The following EYA2 variants were observed in gnomAD, a reference collection of about 807,000 sequenced individuals.
The protein encoded by EYA2 is protein phosphatase EYA2.
A neutral mutation model predicts 69.2 loss-of-function variants in EYA2; 31 were observed. That is an observed-to-expected ratio of 0.45 (90% CI 0.34 to 0.60). EYA2 has a LOEUF of 0.60. Among genes scored for constraint, EYA2 ranks in the 20% least tolerant of loss-of-function variants. The pLI, the probability that EYA2 is intolerant of heterozygous loss-of-function variation, is 0.02. For missense variants in EYA2, 622 were observed against 701.2 expected (o/e 0.89, Z 1.28); for synonymous variants, 257 against 279.4 (o/e 0.92, Z 0.80).
chr20:47,158,401 C>A (rs149552047), intron 10 of EYA2, among the ~76,000 whole-genome samples: 10 of 151,468 alleles, frequency 6.6e-5, no homozygotes, highest in Non-Finnish European at 1.5e-4. Context: ...TTTGTAATGC[C>A]GGCTACTTGG....
intron 1 of EYA2, among the ~76,000 whole-genome samples, chr20:46,931,000 A>G (rs1471617177): frequency 1.3e-5 from 2 of 152,160 alleles, no homozygotes; most frequent in African/African-American, 2.4e-5. Context: ...ATTAGGTGCC[A>G]GTGTGATAAC....
intron 1 of EYA2, among the ~76,000 whole-genome samples, chr20:46,988,689 C>T (rs557366706): frequency 2.5e-4 from 38 of 152,246 alleles, no homozygotes; most frequent in African/African-American, 8.4e-4. Context: ...TTTCTAAACC[C>T]AGTGGGTGGG....
At chr20:47,088,854 C>T (rs1195150247) in intron 7 of EYA2, among the ~76,000 whole-genome samples, 22 of 152,202 alleles carry the variant, frequency 1.4e-4, no homozygotes, top group African/African-American at 4.8e-5. Flanking sequence ...GGATTACAGG[C>T]GTAAGCCCCC....
At chr20:47,141,255 A>G (rs1380256076) in intron 9 of EYA2, among the ~76,000 whole-genome samples, 1 of 152,226 alleles carries the variant, frequency 6.6e-6, no homozygotes, top group Non-Finnish European at 1.5e-5. Flanking sequence ...AATATTATTA[A>G]CAGTGTGTTT....
intron 5 of EYA2, among the ~76,000 whole-genome samples, chr20:47,068,661 C>T (rs1187659296): frequency 1.3e-5 from 2 of 152,148 alleles, no homozygotes; most frequent in African/African-American, 2.4e-5. Context: ...TTGGGAGATT[C>T]TGATGCAGAA....
intron 1 of EYA2, among the ~76,000 whole-genome samples, chr20:46,922,804 C>CG (rs11481818): frequency 0.14 from 21,358 of 152,028 alleles, 2,220 homozygotes; most frequent in East Asian, 0.48. Context: ...GATCTCTTCA[C>CG]GATGGCTTAT....
intron 1 of EYA2, among the ~76,000 whole-genome samples, chr20:46,931,216 G>T (rs1198257039): frequency 2.0e-5 from 3 of 152,234 alleles, no homozygotes; most frequent in South Asian, 2.1e-4. Context: ...GCTAAGAACT[G>T]TGCCACGTGT....
In EYA2 at chr20:46,936,860, A is replaced by G. The variant is rs555247846; in HGVS notation, c.-11+41873A>G. Reference sequence around the variant, plus strand: ...GATTCGGGGATTTCTTTTCTGCCTCATGCCTGGAATAATTTGTGGCTCCAT... The same window carrying G: ...GATTCGGGGATTTCTTTTCTGCCTCGTGCCTGGAATAATTTGTGGCTCCAT... On this transcript the variant is annotated intron_variant, in intron 1 of 15. Transcript: ENST00000327619. 2.6e-5 allele frequency among the ~76,000 whole-genome samples: 4 copies of G among 152,194 alleles called. No homozygotes were observed. In the East Asian group the frequency reaches 5.8e-4, roughly 22 times the overall value.
intron 1 of EYA2, among the ~76,000 whole-genome samples, chr20:46,989,624 G>A (rs1981520764): frequency 6.6e-6 from 1 of 152,146 alleles, no homozygotes. Flanking sequence ...CTGGCTTTTG[G>A]AAATCTAAAT....
chr20:47,061,304 A>ATCCCTTGAGTCCAGGAGTT (rs780504181), intron 5 of EYA2, among the ~76,000 whole-genome samples: 2 of 152,076 alleles, frequency 1.3e-5, no homozygotes, highest in Non-Finnish European at 2.9e-5. Flanking sequence ...AGGCAGGAGG[A>ATCCCTTGAGTCCAGGAGTT]TCCCTTGAGT....
intron 5 of EYA2, among the ~76,000 whole-genome samples, chr20:47,059,327 G>A (rs571592953): frequency 2.2e-4 from 34 of 152,240 alleles, no homozygotes; most frequent in East Asian, 1.9e-4. Context: ...TTTATTTTCA[G>A]CATGTCAATG....
At chr20:46,985,060 A>G (rs536052146) in intron 1 of EYA2, among the ~76,000 whole-genome samples, 2 of 152,354 alleles carry the variant, frequency 1.3e-5, no homozygotes, top group African/African-American at 4.8e-5. Context: ...CACATAAAAC[A>G]ACATGGCATC....
At chr20:47,052,179 C>A (rs900892050) in intron 5 of EYA2, among the ~76,000 whole-genome samples, 1 of 152,118 alleles carries the variant, frequency 6.6e-6, no homozygotes, top group East Asian at 1.9e-4. Context: ...ATAAAAGCAA[C>A]CCTGAAGAAA....
Position 47,072,180 on chromosome 20 carries a change from C to G in EYA2, c.416-5C>G. ...AACCTGTACCCCTGTTCCTCCTTCCCACAGGCACAACAGGGTTCTATCAAG... is the reference window on the plus strand; with the variant it reads ...AACCTGTACCCCTGTTCCTCCTTCCGACAGGCACAACAGGGTTCTATCAAG... On this transcript the variant is annotated splice_region_variant and splice_polypyrimidine_tract_variant and intron_variant, in intron 5 of 15. Transcript: ENST00000327619. 5 of 1,612,236 alleles carry G rather than the reference C, an allele frequency of 3.1e-6. No individual in the cohort carries two copies. The highest frequency in any genetic ancestry group is 4.2e-6 in the Non-Finnish European group (5 of 1,179,000).
At chr20:47,129,978 AGCAGTT>A (rs2033296938) in intron 9 of EYA2, among the ~76,000 whole-genome samples, 1 of 151,984 alleles carries the variant, frequency 6.6e-6, no homozygotes, top group Non-Finnish European at 1.5e-5. Context: ...AGGTCAGGGG[AGCAGTT>A]GTGCCCCCCA....
intron 7 of EYA2, among the ~76,000 whole-genome samples, chr20:47,080,808 A>C (rs62202506): frequency 1.3e-5 from 2 of 152,020 alleles, no homozygotes; most frequent in Non-Finnish European, 2.9e-5. Context: ...GCGAACTGCC[A>C]CTTTCTTAAA....
chr20:47,016,651 T>C (rs145893739), intron 5 of EYA2, among the ~76,000 whole-genome samples: 45 of 152,328 alleles, frequency 3.0e-4, no homozygotes, highest in African/African-American at 1.1e-3. Flanking sequence ...AGAGATGACA[T>C]TGGGCAGAAT....
intron 5 of EYA2, among the ~76,000 whole-genome samples, chr20:47,068,869 G>A (rs146293533): frequency 0.013 from 2,030 of 152,214 alleles, 19 homozygotes; most frequent in Non-Finnish European, 0.016. Context: ...GTAAGTCACC[G>A]CTCATTTGAG....
intron 1 of EYA2, among the ~76,000 whole-genome samples, chr20:46,906,274 C>G (rs1010323187): frequency 6.6e-6 from 1 of 152,220 alleles, no homozygotes; most frequent in African/African-American, 2.4e-5. Flanking sequence ...TGATGTGAAG[C>G]TTTCCCTGTG....
Sources: gnomAD v4.1 joint callset for allele counts (sites outside exome capture counted in the v4.1 genomes callset) on GRCh38, gnomAD v4.1.1 for gene constraint, MANE v1.5 for transcripts, NCBI Gene and HGNC (gene_info 2026-07-23, HGNC 2026-07-21) for gene names.